Variants in FARP1 observed in about 807,000 individuals in gnomAD.
FARP1 encodes FERM, ARHGEF and pleckstrin domain-containing protein 1.
Under a neutral mutation model 128.8 loss-of-function variants are expected in FARP1, and 52 were observed. The ratio of observed to expected loss-of-function variants is 0.40; its 90% CI spans 0.32 to 0.51. The LOEUF (loss-of-function observed/expected upper bound fraction) is 0.51. Ranked by LOEUF, FARP1 falls within the 20% of genes least tolerant of loss-of-function variation. The pLI is 0.45. For synonymous variants in FARP1, 580 were observed against 551.8 expected (o/e 1.05, Z -0.72); for missense variants, 1,333 against 1,367.9 (o/e 0.97, Z 0.40).
At chr13:98,276,762 G>A (rs908525111) in intron 2 of FARP1, among the ~76,000 whole-genome samples, 5 of 152,176 alleles carry the variant, frequency 3.3e-5, no homozygotes, top group African/African-American at 1.2e-4. Flanking sequence ...TGCATAGGAT[G>A]TAGAATATCC....
intron 1 of FARP1, among the ~76,000 whole-genome samples, chr13:98,193,869 C>G (rs1879399141): frequency 6.6e-6 from 1 of 152,212 alleles, no homozygotes; most frequent in African/African-American, 2.4e-5. Flanking sequence ...ATCCTTGCTT[C>G]ATTTCCTGAG....
rs879806312 is a variant in FARP1, at chr13:98,225,467, C to T, written c.171+12054C>T. ...AACTCTCGCTCCAAGTACAACAGTA[C>T]GAGTGTTTGCTAACTGTGGACTCTG... On this transcript the variant is annotated intron_variant, in intron 2 of 26. Transcript: ENST00000319562. Among the ~76,000 whole-genome samples, 8 of 152,152 alleles carry T rather than the reference C, an allele frequency of 5.3e-5. No homozygotes were observed. In the East Asian group the frequency reaches 5.8e-4, roughly 11 times the overall value.
intron 2 of FARP1, among the ~76,000 whole-genome samples, chr13:98,257,515 G>A (rs1883668781): frequency 6.6e-6 from 1 of 152,170 alleles, no homozygotes; most frequent in Non-Finnish European, 1.5e-5. Flanking sequence ...GCTCATGTCT[G>A]TAATCCCAGC....
rs976187962 is a variant in FARP1 at position 98,437,463 on chromosome 13, C to CAGAAAGCAACAGCAAGAAAGCAACAGCA, written c.2275-1338_2275-1311dup. Among the ~76,000 whole-genome samples the CAGAAAGCAACAGCAAGAAAGCAACAGCA allele has an allele frequency of 7.9e-3, 1,201 of 151,280 alleles. 11 individuals carry two copies. Among genetic ancestry groups the CAGAAAGCAACAGCAAGAAAGCAACAGCA allele is most frequent in the African/African-American group, 0.028 (1,123 of 40,734 alleles). On this transcript the variant is annotated intron_variant, in intron 19 of 26. Coordinates refer to ENST00000319562, the MANE Select transcript of FARP1 (RefSeq NM_005766.4). ...TTCGAGAAGTAGGAAAATACATTGC[C>CAGAAAGCAACAGCAAGAAAGCAACAGCA]AGAAAGCAACAGCAAGAAAGCAACA...
intron 6 of FARP1, among the ~76,000 whole-genome samples, chr13:98,378,171 A>G (rs1889672809): frequency 6.6e-6 from 1 of 152,212 alleles, no homozygotes; most frequent in South Asian, 2.1e-4. Flanking sequence ...TACGCAGTTG[A>G]TACTTCAGTT....
chr13:98,403,275 C>CTTGCACTTTATACT (rs1890846877), intron 13 of FARP1: 3 of 152,208 alleles, frequency 2.0e-5, no homozygotes, highest in Non-Finnish European at 4.4e-5. Flanking sequence ...TCCAACAAGG[C>CTTGCACTTTATACT]TTGCACTTTA....
intron 1 of FARP1, among the ~76,000 whole-genome samples, chr13:98,186,049 C>T (rs1421575856): frequency 6.6e-6 from 1 of 152,092 alleles, no homozygotes; most frequent in Non-Finnish European, 1.5e-5. Flanking sequence ...GTATTCAGTG[C>T]ACTCACATTA....
intron 9 of FARP1, 64 bp from the exon 10 acceptor site, chr13:98,389,893 C>G (rs1319883356): frequency 1.3e-6 from 2 of 1,499,448 alleles, no homozygotes; most frequent in Non-Finnish European, 1.8e-6. Flanking sequence ...TGCCCCTTTT[C>G]TCCTATTTCA....
At chr13:98,424,053 T>C (rs1300377566) in intron 16 of FARP1, among the ~76,000 whole-genome samples, 1 of 152,176 alleles carries the variant, frequency 6.6e-6, no homozygotes, top group Non-Finnish European at 1.5e-5. Context: ...CCTTTCTCAG[T>C]TATGCATTTC....
In FARP1 at chr13:98,440,009, C is replaced by T. The variant is rs760043052; in HGVS notation, c.2482C>T (p.Arg828Trp). Reference sequence around the variant, plus strand: ...GGGGGTGCCCCACTGCCTGACCCTCCGGGGCCAGCGGCAGTCCATCATCGT... The same window carrying T: ...GGGGGTGCCCCACTGCCTGACCCTCTGGGGCCAGCGGCAGTCCATCATCGT... The part of the protein sequence containing the change: ...EWGVPHCLTL[R>W]GQRQSIIVAA... The change falls in exon 22 of 27, where the codon CGG becomes TGG. Residue 828 changes from arginine to tryptophan, a missense_variant. By Grantham distance (101) the Arg-to-Trp change is moderately radical (BLOSUM62 -3). Coordinates refer to ENST00000319562, the MANE Select transcript of FARP1 (RefSeq NM_005766.4). The T allele has an allele frequency of 3.1e-6, 5 of 1,602,684 alleles. No individual in the cohort carries two copies. The highest frequency in any genetic ancestry group is 1.1e-5 in the South Asian group (1 of 89,936).
At chr13:98,251,170 G>C (rs916906711) in intron 2 of FARP1, among the ~76,000 whole-genome samples, 1 of 152,232 alleles carries the variant, frequency 6.6e-6, no homozygotes, top group African/African-American at 2.4e-5. Context: ...ATGAAGTTAA[G>C]TGGACAGCTG....
At chr13:98,276,541 T>G (rs1884662186) in intron 2 of FARP1, among the ~76,000 whole-genome samples, 1 of 151,064 alleles carries the variant, frequency 6.6e-6, no homozygotes, top group African/African-American at 2.4e-5. Context: ...ATAATTGGGT[T>G]AGGGTAGAGG....
chr13:98,243,422 A>C (rs1882885571), intron 2 of FARP1, among the ~76,000 whole-genome samples: 1 of 152,032 alleles, frequency 6.6e-6, no homozygotes, highest in South Asian at 2.1e-4. Flanking sequence ...ATGGCCGGGC[A>C]CGGTGGCTCA....
Position 98,435,678 on chromosome 13 carries a change from G to A in FARP1, c.2246G>A (p.Gly749Asp). ...KLHELKKDLIGIDNLVVPGRE... is the reference protein window; with the variant it reads ...KLHELKKDLIDIDNLVVPGRE... ...CACGAACTCAAGAAAGATTTGATTG[G>A]CATTGACAATCTTGTGGTTCCGGGA... is the stretch of plus-strand genomic sequence containing the variant. Residue 749 changes from glycine (G) to aspartate (D), a missense_variant, in exon 19 of 27, where the codon GGC becomes GAC. Transcript: ENST00000319562. The A allele has an allele frequency of 1.2e-6, 2 of 1,614,060 alleles. No individual in the cohort carries two copies. The highest frequency in any genetic ancestry group is 1.3e-5 in the African/African-American group (1 of 75,050).
At chr13:98,250,776 ACT>A (rs1883287299) in intron 2 of FARP1, among the ~76,000 whole-genome samples, 1 of 151,972 alleles carries the variant, frequency 6.6e-6, no homozygotes, top group Non-Finnish European at 1.5e-5. Flanking sequence ...AGTATGGGCC[ACT>A]CTCTGAAGAC....
In FARP1 at chr13:98,356,232, G is replaced by C. The variant is rs571373021; in HGVS notation, c.277-9163G>C. ...TACAGTCATGCGTCACTTAACGATG[G>C]CTATATGTTCTGAGAAATGTGTTTT... On this transcript the variant is annotated intron_variant, in intron 3 of 26. Transcript: ENST00000319562. Among the ~76,000 whole-genome samples, 4 of 152,192 alleles carry C rather than the reference G, an allele frequency of 2.6e-5. No individual in the cohort carries two copies. The South Asian group carries it at 8.3e-4, about 32-fold the overall frequency.
At chr13:98,162,468 G>A (rs182674371) in intron 1 of FARP1, among the ~76,000 whole-genome samples, 2 of 152,268 alleles carry the variant, frequency 1.3e-5, no homozygotes, top group East Asian at 3.9e-4. Flanking sequence ...TGTAGTAGGT[G>A]CTCATTAAAT....
intron 2 of FARP1, among the ~76,000 whole-genome samples, chr13:98,261,663 G>T (rs2139539953): frequency 6.6e-6 from 1 of 152,274 alleles, no homozygotes; most frequent in African/African-American, 2.4e-5. Context: ...TTGTAACATA[G>T]ATGATATCTT....
chr13:98,452,319 G>A lies in FARP1; in HGVS notation c.*4002G>A, dbSNP rs768518318. On this transcript the variant is annotated 3_prime_UTR_variant, in exon 27 of 27. Transcript: ENST00000319562. ...GCACGATTCCAAACAAATGTCAGAC[G>A]AGAGCGCTTCATGGGGAGAAACTGA... 6.6e-6 allele frequency: 1 copy of A among 152,478 alleles called. No individual in the cohort carries two copies. The allele number at this position is 152,478 out of a possible 1,614,324, so 9.4% of individuals were successfully genotyped here.
Sources: allele counts gnomAD v4.1 joint callset (sites outside exome capture counted in the v4.1 genomes callset), GRCh38; gene constraint gnomAD v4.1.1; transcripts MANE v1.5; gene names NCBI Gene and HGNC (gene_info 2026-07-23, HGNC 2026-07-21).